The following GON4L variants were observed in gnomAD, a reference collection of about 807,000 sequenced individuals.
The protein encoded by GON4L is gon-4 like.
In GON4L, 87 loss-of-function variants were observed where a neutral mutation model predicts 211.8. That is an observed-to-expected ratio of 0.41 (90% confidence interval 0.35 to 0.49). GON4L has a LOEUF of 0.49. GON4L is among the 20% of genes least tolerant of loss of function. The pLI, the probability that GON4L is intolerant of heterozygous loss-of-function variation, is 0.15. For synonymous variants in GON4L, 875 were observed against 962.6 expected (o/e 0.91, Z 1.68); for missense variants, 2,155 against 2,659.5 (o/e 0.81, Z 4.17).
At chr1:155,754,867 C>A (rs1661006486) in intron 27 of GON4L, among the ~76,000 whole-genome samples, 2 of 150,254 alleles carry the variant, frequency 1.3e-5, no homozygotes, top group East Asian at 2.0e-4. Context: ...AAGTTGTGAG[C>A]CATATGAACA....
chr1:155,766,632 G>A lies in GON4L; in HGVS notation c.2841C>T (p.Thr947=). The A allele has an allele frequency of 6.2e-7, 1 of 1,614,188 alleles. No individual in the cohort carries two copies. The highest frequency in any genetic ancestry group is 8.5e-7 in the Non-Finnish European group (1 of 1,180,046). The change falls in exon 21 of 32, where the codon ACC becomes ACT. Residue 947 remains threonine, a synonymous_variant. Transcript: ENST00000368331. Reference sequence around the variant, plus strand: ...GGCTTCGATCTGAGTTGATCTCAGTGGTTCCAGTCATATTTCCTACCTCTC... The same window carrying A: ...GGCTTCGATCTGAGTTGATCTCAGTAGTTCCAGTCATATTTCCTACCTCTC... The part of the protein sequence containing the change: ...GAREVGNMTG[T]TEINSDRSLE...
rs770025202 is a variant in GON4L, at chr1:155,766,073, C to T, written c.3400G>A (p.Ala1134Thr). ...GVKASPCMKP[A>T]PVIHHPASVI... ...GATGCAGGGTGGTGGATAACAGGGG[C>T]AGGTTTCATACAGGGAGAGGCCTTG... Residue 1134 changes from alanine (A) to threonine (T), a missense_variant, in exon 21 of 32, where the codon GCC (alanine) becomes ACC (threonine). By Grantham distance (58) the Ala-to-Thr change is moderately conservative. Coordinates refer to ENST00000368331, the MANE Select transcript of GON4L (RefSeq NM_001282860.2). 10 of 1,614,118 alleles carry T rather than the reference C, an allele frequency of 6.2e-6. No individual in the cohort carries two copies. Among genetic ancestry groups the T allele is most frequent in the Middle Eastern group, 1.6e-4 (1 of 6,062 alleles).
chr1:155,748,788 G>C (rs1660352714), downstream of GON4L: 4 of 1,611,430 alleles, frequency 2.5e-6, no homozygotes, highest in South Asian at 2.2e-5. Context: ...TGCCACACAA[G>C]GTGAGAGCTG....
Position 155,757,326 on chromosome 1 carries a change from G to T in GON4L, c.5254-3C>A. 6.2e-7 allele frequency: 1 copy of T among 1,613,160 alleles called. No homozygotes were observed. Among genetic ancestry groups the T allele is most frequent in the South Asian group, 1.1e-5 (1 of 91,026 alleles). ...AGCTGCCACATCTGTGTCTTGAGCTGAGGAGAGTCACAGAGGGAAAGAGGA... is the reference window on the plus strand; with the variant it reads ...AGCTGCCACATCTGTGTCTTGAGCTTAGGAGAGTCACAGAGGGAAAGAGGA... On this transcript the variant is annotated splice_polypyrimidine_tract_variant and splice_region_variant and intron_variant, in intron 25 of 31. Coordinates refer to ENST00000368331, the MANE Select transcript of GON4L (RefSeq NM_001282860.2).
At chr1:155,778,001 T>G (rs1348168939) in intron 14 of GON4L, among the ~76,000 whole-genome samples, 181 bp from the exon 15 acceptor site, 1 of 152,192 alleles carries the variant, frequency 6.6e-6, no homozygotes, top group Non-Finnish European at 1.5e-5. Context: ...GTAGTTAGCA[T>G]GCATCAAATA....
At chr1:155,781,662 C>A (rs1374536239) in intron 14 of GON4L, among the ~76,000 whole-genome samples, 1 of 151,674 alleles carries the variant, frequency 6.6e-6, no homozygotes, top group Non-Finnish European at 1.5e-5. Context: ...GGGGTTTCAC[C>A]ATGTTGGTCA....
intron 23 of GON4L, 91 bp downstream of exon 23, chr1:155,762,099 G>A: frequency 9.2e-7 from 1 of 1,081,994 alleles, no homozygotes; most frequent in Non-Finnish European, 1.4e-6. Context: ...TGCATAGCCT[G>A]AAAAACAGAC....
intron 2 of GON4L, among the ~76,000 whole-genome samples, chr1:155,842,110 C>A (rs539045624): frequency 3.3e-5 from 5 of 152,120 alleles, no homozygotes; most frequent in African/African-American, 9.7e-5. Context: ...ACCTTCCCCC[C>A]GCTCCCCTTT....
rs773558920 is a variant in GON4L, at chr1:155,771,238, T to C, written c.2496-21A>G. ...ACAAACTGAGAAAGGAGAATAACAC[T>C]AAATCTCACTTCACAGTCCTTCCTT... On this transcript the variant is annotated intron_variant, in intron 18 of 31. Coordinates refer to ENST00000368331, the MANE Select transcript of GON4L (RefSeq NM_001282860.2). 5 of 1,613,554 alleles carry C rather than the reference T, an allele frequency of 3.1e-6. No individual in the cohort carries two copies. The East Asian group carries it at 8.9e-5, about 29-fold the overall frequency.
chr1:155,820,616 T>C lies in GON4L; in HGVS notation c.1004A>G (p.Glu335Gly). 1 of 1,609,158 alleles carries C rather than the reference T, an allele frequency of 6.2e-7. No homozygotes were observed. The highest frequency in any genetic ancestry group is 8.5e-7 in the Non-Finnish European group (1 of 1,175,600). The change falls in exon 6 of 32, where the codon GAA becomes GGA. Residue 335 changes from glutamate (E) to glycine (G), a missense_variant. Around this residue, in one of 6 missense-constraint regions of GON4L, gnomAD observed 551 missense variants for 854.0 expected, o/e 0.65. Transcript: ENST00000368331. ...MTRSKLKEVV[E>G]KGVVIPTWNI... is the part of the protein sequence containing the mutation. Reference sequence around the variant, plus strand: ...AAACAGAATACTTACCACTCCTTTTTCCACTACTTCCTTCAGTTTAGAGCG... The same window carrying C: ...AAACAGAATACTTACCACTCCTTTTCCCACTACTTCCTTCAGTTTAGAGCG...
At chr1:155,851,052 C>CAAAAA (rs55815558) in intron 2 of GON4L, among the ~76,000 whole-genome samples, 3 of 78,484 alleles carry the variant, frequency 3.8e-5, no homozygotes, top group Admixed American at 1.9e-4. Flanking sequence ...GACTCCACCT[C>CAAAAA]AAAAAAAAAA....
chr1:155,753,488 A>G (rs1317508035), intron 28 of GON4L, 74 bp from the exon 29 acceptor site: 1 of 1,102,358 alleles, frequency 9.1e-7, no homozygotes, highest in Non-Finnish European at 1.4e-6. Context: ...CAAAGGAAGA[A>G]GCCCTGCCTG....
At chr1:155,746,900 C>T (rs769836501), downstream of GON4L, 4 of 1,596,738 alleles carry the variant, frequency 2.5e-6, no homozygotes, top group South Asian at 1.1e-5. Context: ...AACTTTTTAA[C>T]CCGGTGCCAC....
At position 155,775,161 on chromosome 1, in the gene GON4L, T is replaced by C. The variant is rs1307933065; in HGVS notation, c.2191A>G (p.Thr731Ala). The change falls in exon 17 of 32, where the codon ACC becomes GCC. Residue 731 changes from threonine (T) to alanine (A), a missense_variant. This residue lies in a region of GON4L where 551 missense variants were observed against 854.0 expected (regional missense o/e 0.65). Transcript: ENST00000368331. ...TTRIFLKELG[T>A]FAQSSIALHH... ...AGGGCGATGGAGCTTTGAGCAAAGG[T>C]TCCCAGCTCTTTCTGGGAAAACAGG... 1 of 1,614,020 alleles carries C rather than the reference T, an allele frequency of 6.2e-7. No individual in the cohort carries two copies. Among genetic ancestry groups the C allele is most frequent in the Non-Finnish European group, 8.5e-7 (1 of 1,180,046 alleles).
At chr1:155,772,466 T>G (rs751715780) in intron 18 of GON4L, among the ~76,000 whole-genome samples, 1 of 151,566 alleles carries the variant, frequency 6.6e-6, no homozygotes, top group African/African-American at 2.4e-5. Context: ...AAAATGTTCA[T>G]AATCTGGTGG....
At chr1:155,852,785 T>C (rs542114873) in intron 2 of GON4L, among the ~76,000 whole-genome samples, 2 of 151,208 alleles carry the variant, frequency 1.3e-5, no homozygotes, top group Non-Finnish European at 2.9e-5. Context: ...ATATAGCGAA[T>C]GGGAGGGGAA....
rs750144990 is a variant in GON4L at position 155,826,939 on chromosome 1, T to C, written c.595A>G (p.Thr199Ala). 1.6e-5 allele frequency: 26 copies of C among 1,613,872 alleles called. No individual in the cohort carries two copies. The highest frequency in any genetic ancestry group is 1.3e-4 in the South Asian group (12 of 91,076). The change falls in exon 3 of 32, where the codon ACC (threonine) becomes GCC (alanine). Residue 199 changes from threonine to alanine, a missense_variant. Thr to Ala is a moderately conservative substitution (Grantham distance 58). Around this residue, in one of 6 missense-constraint regions of GON4L, gnomAD observed 313 missense variants for 293.2 expected, o/e 1.07. Coordinates refer to ENST00000368331, the MANE Select transcript of GON4L (RefSeq NM_001282860.2). Reference sequence around the variant, plus strand: ...GGAGAGGCACAAACATCTGGCTGGGTTGATTTCCTGGGCTGGCTTACTGGT... The same window carrying C: ...GGAGAGGCACAAACATCTGGCTGGGCTGATTTCCTGGGCTGGCTTACTGGT... ...AKPVSQPRKS[T>A]QPDVCASPQE...
At chr1:155,838,345 A>T (rs962263010) in intron 2 of GON4L, among the ~76,000 whole-genome samples, 24 of 152,248 alleles carry the variant, frequency 1.6e-4, no homozygotes, top group African/African-American at 5.8e-4. Context: ...TTGTTGGCTC[A>T]ATGAAAATAG....
chr1:155,853,453 A>G lies in GON4L; in HGVS notation c.328T>C (p.Ser110Pro). 1 of 1,613,866 alleles carries G rather than the reference A, an allele frequency of 6.2e-7. No homozygotes were observed. Among genetic ancestry groups the G allele is most frequent in the South Asian group, 1.1e-5 (1 of 91,076 alleles). ...ATGTGTATATTAAGGGGGTGAAAAG[A>G]CTCCAAGGAAGGTAGGGTGATTCCC... ...SQGITLPSLE[S>P]FHPLNIHIGK... is the part of the protein sequence containing the mutation. Residue 110 changes from serine to proline, a missense_variant, in exon 2 of 32, where the codon TCT (serine) becomes CCT (proline). By Grantham distance (74) the Ser-to-Pro change is moderately conservative. Around this residue, in one of 6 missense-constraint regions of GON4L, gnomAD observed 313 missense variants for 293.2 expected, o/e 1.07. Coordinates refer to ENST00000368331, the MANE Select transcript of GON4L (RefSeq NM_001282860.2).
Sources: allele counts gnomAD v4.1 joint callset (sites outside exome capture counted in the v4.1 genomes callset), GRCh38; gene constraint gnomAD v4.1.1; regional missense constraint gnomAD v4.1.1; transcripts MANE v1.5; gene names NCBI Gene and HGNC (gene_info 2026-07-23, HGNC 2026-07-21).